Variants in CIAO2A observed in about 807,000 individuals in gnomAD.
The protein encoded by CIAO2A is MIP18 family protein FAM96A.
CIAO2A carries 17 observed loss-of-function variants against 22.4 expected under a neutral mutation model. The ratio of observed to expected loss-of-function variants is 0.76; its 90% CI spans 0.52 to 1.14. The LOEUF is 1.14. CIAO2A is among the 50% of genes most tolerant of loss of function. CIAO2A has a pLI of 0.00. For synonymous variants in CIAO2A, 74 were observed against 72.3 expected (o/e 1.02, Z -0.12); for missense variants, 192 against 191.4 (o/e 1.00, Z -0.02).
At chr15:64,073,233 T>A (rs1275824081) in intron 4 of CIAO2A, among the ~76,000 whole-genome samples, 3 of 152,164 alleles carry the variant, frequency 2.0e-5, no homozygotes, top group Admixed American at 2.0e-4. Flanking sequence ...CTTAACCACA[T>A]CTATTTTTTT....
chr15:64,080,949 T>C (rs1456992528), intron 3 of CIAO2A, among the ~76,000 whole-genome samples, 153 bp downstream of exon 3: 1 of 152,094 alleles, frequency 6.6e-6, no homozygotes, highest in Admixed American at 6.5e-5. Flanking sequence ...AGACAAAAAG[T>C]AGAAACAACC....
At position 64,072,970 on chromosome 15, in the gene CIAO2A, T is replaced by TA. The variant is rs746547706; in HGVS notation, c.443dup (p.Leu148PhefsTer11). Reference sequence around the variant, plus strand: ...GGACACACTGTTCCACAATTTCCCGTAAGTTGGGGTTTTCCATTGCAGCTG... The same window carrying TA: ...GGACACACTGTTCCACAATTTCCCGTAAAGTTGGGGTTTTCCATTGCAGCTG... On this transcript the variant is annotated frameshift_variant, in exon 5 of 5. Coordinates refer to ENST00000300030, the MANE Select transcript of CIAO2A (RefSeq NM_032231.7). LOFTEE classifies it high-confidence loss of function. 3.6e-5 allele frequency: 58 copies of TA among 1,613,892 alleles called. No homozygotes were observed. The highest frequency in any genetic ancestry group is 1.2e-4 in the Admixed American group (7 of 60,008).
At chr15:64,082,481 GC>G (rs2080764997) in intron 2 of CIAO2A, among the ~76,000 whole-genome samples, 1 of 152,156 alleles carries the variant, frequency 6.6e-6, no homozygotes, top group Admixed American at 6.5e-5. Flanking sequence ...GCCCGCCTCG[GC>G]CTCCCAAAGT....
chr15:64,083,743 G>A (rs2080773220), intron 2 of CIAO2A, among the ~76,000 whole-genome samples: 1 of 152,146 alleles, frequency 6.6e-6, no homozygotes, highest in Admixed American at 6.6e-5. Context: ...AGGAGTTTGA[G>A]ACTAGCCTGG....
At chr15:64,093,559 C>A in intron 1 of CIAO2A, 86 bp downstream of exon 1, 1 of 1,421,858 alleles carries the variant, frequency 7.0e-7, no homozygotes, top group Non-Finnish European at 9.5e-7. Context: ...CCCCTCCCAG[C>A]CCTCAGGTGA....
intron 3 of CIAO2A, among the ~76,000 whole-genome samples, chr15:64,077,031 AGCCGG>A (rs2140105725): frequency 6.6e-6 from 1 of 152,248 alleles, no homozygotes; most frequent in South Asian, 2.1e-4. Context: ...AAACAAAACA[AGCCGG>A]GCGTGGTGGC....
rs908102879 is a variant in CIAO2A, at chr15:64,093,682, C to T, written c.87G>A (p.Gln29=). The change falls in exon 1 of 5, where the codon CAG becomes CAA. Residue 29 remains glutamine, a synonymous_variant. Transcript: ENST00000300030. ...GCGCTTTCTCTTCCATGATCCGGGG[C>T]TGCCGGGCAGCTCCCGGCTCAGAGA... ...SGLSEPGAAR[Q]PRIMEEKALE... is the part of the protein sequence containing the mutation. The T allele has an allele frequency of 1.2e-6, 2 of 1,614,068 alleles. No individual in the cohort carries two copies. Among genetic ancestry groups the T allele is most frequent in the Non-Finnish European group, 1.7e-6 (2 of 1,179,956 alleles).
chr15:64,080,150 G>T (rs1378373540), intron 3 of CIAO2A, among the ~76,000 whole-genome samples: 1 of 152,170 alleles, frequency 6.6e-6, no homozygotes, highest in African/African-American at 2.4e-5. Context: ...ACTTTGGGAG[G>T]CCGAGGCAGT....
At chr15:64,086,635 A>G (rs2080797770) in intron 2 of CIAO2A, among the ~76,000 whole-genome samples, 1 of 147,994 alleles carries the variant, frequency 6.8e-6, no homozygotes, top group African/African-American at 2.5e-5. Flanking sequence ...TTTTTTTGAG[A>G]CAGAGTCTTA....
chr15:64,087,214 C>T (rs1275809380), intron 2 of CIAO2A, among the ~76,000 whole-genome samples: 1 of 151,010 alleles, frequency 6.6e-6, no homozygotes, highest in Non-Finnish European at 1.5e-5. Flanking sequence ...GCCTCAGCCT[C>T]CTGAGTAGCT....
At chr15:64,073,156 TACTC>T (rs758078746) in intron 4 of CIAO2A, 128 bp from the exon 5 acceptor site, 381 of 585,010 alleles carry the variant, frequency 6.5e-4, no homozygotes, top group Non-Finnish European at 1.0e-3. Flanking sequence ...TTTGGCTAAT[TACTC>T]ATAATGTAAT....
At position 64,072,873 on chromosome 15, in the gene CIAO2A, CAA is replaced by C; in HGVS notation, c.*56_*57del. The C allele has an allele frequency of 2.6e-6, 3 of 1,149,402 alleles. No homozygotes were observed. Among genetic ancestry groups the C allele is most frequent in the South Asian group, 1.3e-5 (1 of 76,482 alleles). The allele number at this position is 1,149,402 out of a possible 1,614,324, so 71.2% of individuals were successfully genotyped here. ...TTAAACATGAGTCTCTGACATTATACAAAGAGTTTAAACAAATATATCAAACA... is the reference window on the plus strand; with the variant it reads ...TTAAACATGAGTCTCTGACATTATACAGAGTTTAAACAAATATATCAAACA... On this transcript the variant is annotated 3_prime_UTR_variant, in exon 5 of 5. Coordinates refer to ENST00000300030, the MANE Select transcript of CIAO2A (RefSeq NM_032231.7).
At chr15:64,088,127 G>A (rs758320441) in intron 2 of CIAO2A, among the ~76,000 whole-genome samples, 4 of 152,148 alleles carry the variant, frequency 2.6e-5, no homozygotes, top group Non-Finnish European at 4.4e-5. Flanking sequence ...CAAAGCATAT[G>A]TTCAAATACA....
At chr15:64,091,868 G>A (rs183939415) in intron 1 of CIAO2A, among the ~76,000 whole-genome samples, 23 of 152,006 alleles carry the variant, frequency 1.5e-4, no homozygotes, top group Admixed American at 7.2e-4. Context: ...AGACCAGCCT[G>A]GGTAACATAG....
At position 64,072,886 on chromosome 15, in the gene CIAO2A, C is replaced by T; in HGVS notation, c.*45G>A. ...TCTGACATTATACAAAGAGTTTAAA[C>T]AAATATATCAAACAATTACAGGCCA... On this transcript the variant is annotated 3_prime_UTR_variant, in exon 5 of 5. Transcript: ENST00000300030. 1 of 1,294,146 alleles carries T rather than the reference C, an allele frequency of 7.7e-7. No individual in the cohort carries two copies. The highest frequency in any genetic ancestry group is 1.1e-6 in the Non-Finnish European group (1 of 895,944). The allele number at this position is 1,294,146 out of a possible 1,614,324, so 80.2% of individuals were successfully genotyped here. A position where few individuals can be genotyped will look rare whatever the true frequency, so the allele number is the denominator to read the frequency against.
chr15:64,092,820 C>T (rs2080851379), intron 1 of CIAO2A, among the ~76,000 whole-genome samples: 2 of 152,122 alleles, frequency 1.3e-5, no homozygotes, highest in Admixed American at 6.5e-5. Flanking sequence ...TATATCCAGT[C>T]TTTTCGGTTT....
chr15:64,081,483 A>C (rs2080758500), intron 2 of CIAO2A, among the ~76,000 whole-genome samples: 1 of 149,998 alleles, frequency 6.7e-6, no homozygotes, highest in South Asian at 2.1e-4. Context: ...AGCCCAGGCC[A>C]TTTTTACTAC....
chr15:64,089,786 A>G (rs972839456), intron 1 of CIAO2A, among the ~76,000 whole-genome samples: 51 of 152,202 alleles, frequency 3.4e-4, no homozygotes, highest in African/African-American at 1.2e-3. Context: ...CAGGCCTAAA[A>G]TAGTATCTAG....
chr15:64,080,848 G>A (rs77225784), intron 3 of CIAO2A, among the ~76,000 whole-genome samples: 5,115 of 152,190 alleles, frequency 0.034, 248 homozygotes, highest in African/African-American at 0.11. Flanking sequence ...CCATAGGACC[G>A]GGCGATTCCA....
Sources: gnomAD v4.1 joint callset for allele counts (sites outside exome capture counted in the v4.1 genomes callset) on GRCh38, gnomAD v4.1.1 for gene constraint, MANE v1.5 for transcripts, NCBI Gene and HGNC (gene_info 2026-07-23, HGNC 2026-07-21) for gene names.